Variants in KCNJ10 observed in about 807,000 individuals in gnomAD.
KCNJ10 encodes potassium inwardly rectifying channel subfamily J member 10, also known as ATP-sensitive inward rectifier potassium channel 10.
KCNJ10 carries 9 observed loss-of-function variants against 22.2 expected under a neutral mutation model. That is an observed-to-expected ratio of 0.40 (90% confidence interval 0.24 to 0.71). The LOEUF (loss-of-function observed/expected upper bound fraction) is 0.71. Among genes scored for constraint, KCNJ10 ranks in the 30% least tolerant of loss-of-function variants. The pLI, the probability that KCNJ10 is intolerant of heterozygous loss-of-function variation, is 0.35. For synonymous variants in KCNJ10, 184 were observed against 187.3 expected, an observed-to-expected ratio of 0.98 and a Z score of 0.15; for missense variants, 337 against 482.7, an observed-to-expected ratio of 0.70 and a Z score of 2.83.
chr1:160,058,407 T>A (rs552660127), intron 1 of KCNJ10, among the ~76,000 whole-genome samples: 67 of 152,306 alleles, frequency 4.4e-4, no homozygotes, highest in African/African-American at 1.6e-3. Context: ...AGTGCCTCAG[T>A]GATAAAATCC....
Position 160,041,409 on chromosome 1 carries a change from C to T in KCNJ10, c.1124G>A (p.Arg375His), listed in dbSNP as rs189596680. ...AACAGGTCATCAGACATTGCTGATGCGCACACTAAGGGCACTGCCCTCCTT... is the reference window on the plus strand; with the variant it reads ...AACAGGTCATCAGACATTGCTGATGTGCACACTAAGGGCACTGCCCTCCTT... ...AEKEGSALSV[R>H]ISNV is the part of the protein sequence containing the mutation. Residue 375 changes from arginine to histidine, a missense_variant, in exon 2 of 2, where the codon CGC becomes CAC. By Grantham distance (29) the Arg-to-His change is conservative (BLOSUM62 0). Transcript: ENST00000644903. The surrounding 1 kb of genome is among the most constrained non-coding windows in gnomAD (Gnocchi z 4.4). 1.9e-5 allele frequency: 31 copies of T among 1,612,868 alleles called. No individual in the cohort carries two copies. The highest frequency in any genetic ancestry group is 1.3e-4 in the Admixed American group (8 of 59,968).
intron 1 of KCNJ10, among the ~76,000 whole-genome samples, chr1:160,045,076 G>A (rs1343683344): frequency 6.6e-6 from 1 of 152,198 alleles, no homozygotes; most frequent in African/African-American, 2.4e-5. Flanking sequence ...TCGAAGAAGT[G>A]CAACAGAGAA....
At chr1:160,065,911 G>C (rs1171974659) in intron 1 of KCNJ10, among the ~76,000 whole-genome samples, 1 of 152,090 alleles carries the variant, frequency 6.6e-6, no homozygotes, top group Non-Finnish European at 1.5e-5. Flanking sequence ...CATTAAGGAG[G>C]CTGCTGTGGG....
chr1:160,044,775 G>A (rs1300670434), intron 1 of KCNJ10: 3 of 152,248 alleles, frequency 2.0e-5, no homozygotes, highest in Non-Finnish European at 2.9e-5. Flanking sequence ...AGCACTTTGG[G>A]AGGCTGAGGC....
intron 1 of KCNJ10, among the ~76,000 whole-genome samples, chr1:160,069,666 G>A (rs151124193): frequency 6.9e-4 from 105 of 152,280 alleles, no homozygotes; most frequent in Non-Finnish European, 1.4e-3. Context: ...GGAGGAGGGC[G>A]CACTGTCTGT....
chr1:160,046,358 G>A (rs1271248457), intron 1 of KCNJ10, among the ~76,000 whole-genome samples: 1 of 152,148 alleles, frequency 6.6e-6, no homozygotes, highest in Non-Finnish European at 1.5e-5. Flanking sequence ...GTAGATTAGT[G>A]GTAAAGTTGG....
rs542673984 is a variant in KCNJ10, at chr1:160,040,596, G to C, written c.*797C>G. 1.6e-4 allele frequency: 62 copies of C among 398,752 alleles called. 1 individual carries two copies. In the South Asian group the frequency reaches 7.8e-3, roughly 50 times the overall value. The allele number at this position is 398,752 out of a possible 1,614,324, so 24.7% of individuals were successfully genotyped here. A position where few individuals can be genotyped will look rare whatever the true frequency, so the allele number is the denominator to read the frequency against. ...GACACAGGGAAACAGATCTTCTCTG[G>C]GCTGCCTGGAAGATAGGTTTAAAGG... On this transcript the variant is annotated 3_prime_UTR_variant, in exon 2 of 2. Coordinates refer to ENST00000644903, the MANE Select transcript of KCNJ10 (RefSeq NM_002241.5).
chr1:160,060,788 T>C (rs1207162383), intron 1 of KCNJ10, among the ~76,000 whole-genome samples: 1 of 152,154 alleles, frequency 6.6e-6, no homozygotes. Context: ...GAGCCGTAGA[T>C]ACAGCCTACA....
chr1:160,059,048 C>T (rs192556119), intron 1 of KCNJ10, among the ~76,000 whole-genome samples: 31 of 152,266 alleles, frequency 2.0e-4, no homozygotes, highest in Middle Eastern at 3.4e-3. Context: ...TTGTGCTGGA[C>T]GCTCCATGCC....
intron 1 of KCNJ10, among the ~76,000 whole-genome samples, chr1:160,066,868 G>GT (rs911039931): frequency 5.3e-5 from 8 of 152,116 alleles, no homozygotes; most frequent in Non-Finnish European, 1.2e-4. Flanking sequence ...GTTTTGGTTG[G>GT]TTTTTTTGGT....
chr1:160,057,812 A>G (rs1649076644), intron 1 of KCNJ10, among the ~76,000 whole-genome samples: 1 of 152,148 alleles, frequency 6.6e-6, no homozygotes, highest in Non-Finnish European at 1.5e-5. Context: ...GAGGCTGACC[A>G]GATCCCAGCT....
rs1648569286 is a variant in KCNJ10 at position 160,040,090 on chromosome 1, T to C, written c.*1303A>G. ...TCTCAGGAATGGCTGAGGGAAGCCA[T>C]GGTTATTTGATCAGAAGGTATAATT... On this transcript the variant is annotated 3_prime_UTR_variant, in exon 2 of 2. Coordinates refer to ENST00000644903, the MANE Select transcript of KCNJ10 (RefSeq NM_002241.5). 1 of 155,610 alleles carries C rather than the reference T, an allele frequency of 6.4e-6. No homozygotes were observed. Among genetic ancestry groups the C allele is most frequent in the Non-Finnish European group, 1.4e-5 (1 of 70,402 alleles). 9.6% of individuals were successfully genotyped at this position (155,610 alleles called of 1,614,324 possible). A position where few individuals can be genotyped will look rare whatever the true frequency, so the allele number is the denominator to read the frequency against.
intron 1 of KCNJ10, among the ~76,000 whole-genome samples, chr1:160,061,052 C>T (rs1219194500): frequency 1.3e-5 from 2 of 152,106 alleles, no homozygotes; most frequent in Non-Finnish European, 2.9e-5. Flanking sequence ...CCCAGAAGCC[C>T]ACTTAAGGCT....
chr1:160,052,904 T>C (rs965625455), intron 1 of KCNJ10, among the ~76,000 whole-genome samples: 7 of 152,246 alleles, frequency 4.6e-5, no homozygotes, highest in African/African-American at 1.7e-4. Flanking sequence ...TTATCAATTT[T>C]GCTCAGATTT....
chr1:160,049,681 A>T lies in KCNJ10; in HGVS notation c.1-7149T>A, dbSNP rs1028471096. ...GATCCAGCATTTTATTTATTTATAT[A>T]TATATATATATATATATATATATAT... On this transcript the variant is annotated intron_variant, in intron 1 of 1. Transcript: ENST00000644903. 1.6e-3 allele frequency among the ~76,000 whole-genome samples: 124 copies of T among 75,292 alleles called. 1 individual carries two copies. Among genetic ancestry groups the T allele is most frequent in the African/African-American group, 2.5e-3 (34 of 13,684 alleles). The allele number at this position is 75,292 out of a possible 152,430, so 49.4% of individuals were successfully genotyped here.
intron 1 of KCNJ10, among the ~76,000 whole-genome samples, chr1:160,043,086 C>G (rs140283406): frequency 2.7e-4 from 41 of 152,136 alleles, no homozygotes; most frequent in Non-Finnish European, 1.8e-4. Context: ...GGAAGAGAGG[C>G]AGAAAAGAAA....
Position 160,041,154 on chromosome 1 carries a change from C to T in KCNJ10, c.*239G>A. 2 of 570,518 alleles carry T rather than the reference C, an allele frequency of 3.5e-6. No homozygotes were observed. Among genetic ancestry groups the T allele is most frequent in the Non-Finnish European group, 6.3e-6 (2 of 318,180 alleles). The allele number at this position is 570,518 out of a possible 1,614,324, so 35.3% of individuals were successfully genotyped here. A position where few individuals can be genotyped will look rare whatever the true frequency, so the allele number is the denominator to read the frequency against. On this transcript the variant is annotated 3_prime_UTR_variant, in exon 2 of 2. Transcript: ENST00000644903. This position sits in a 1 kb window ranked among gnomAD's most constrained non-coding sequence, Gnocchi z 4.4. ...TTCAGCCTAATCCCACTCTTTCCCC[C>T]ATCCTGGCTTAAGGGAGGTATGTGT...
At chr1:160,064,458 T>A (rs1358102370) in intron 1 of KCNJ10, among the ~76,000 whole-genome samples, 1 of 152,258 alleles carries the variant, frequency 6.6e-6, no homozygotes, top group Non-Finnish European at 1.5e-5. Context: ...CTCTTCTTAT[T>A]AACTTTTTGT....
At chr1:160,060,228 T>A (rs1649151825) in intron 1 of KCNJ10, among the ~76,000 whole-genome samples, 1 of 152,134 alleles carries the variant, frequency 6.6e-6, no homozygotes, top group Non-Finnish European at 1.5e-5. Context: ...GGACACTTAC[T>A]AGATACAGAA....
Sources: allele counts gnomAD v4.1 joint callset (sites outside exome capture counted in the v4.1 genomes callset), GRCh38; gene constraint gnomAD v4.1.1; non-coding constraint Gnocchi (gnomAD v3.1); transcripts MANE v1.5; gene names NCBI Gene and HGNC (gene_info 2026-07-23, HGNC 2026-07-21).